Variants in AARS2 observed in about 807,000 individuals in gnomAD.
AARS2 encodes alanyl-tRNA synthetase 2, mitochondrial, also known as alanine--tRNA ligase, mitochondrial.
Under a neutral mutation model 119.7 loss-of-function variants are expected in AARS2, and 78 were observed. The ratio of observed to expected loss-of-function variants is 0.65; its 90% CI spans 0.54 to 0.79. The LOEUF (loss-of-function observed/expected upper bound fraction) is 0.79, where lower values mean the gene tolerates loss of function less well. AARS2 is among the 30% of genes least tolerant of loss of function. The pLI is 0.00. For missense variants in AARS2, 1,157 were observed against 1,291.3 expected (o/e 0.90, Z 1.59); for synonymous variants, 502 against 526.3 (o/e 0.95, Z 0.63).
In AARS2 at chr6:44,305,351, C is replaced by T. The variant is rs1307141012; in HGVS notation, c.1435-153G>A. On this transcript the variant is annotated intron_variant, in intron 10 of 21. Transcript: ENST00000244571. This position sits in a 1 kb window ranked among gnomAD's most constrained non-coding sequence, Gnocchi z 4.6. ...TCAGGGCTTGGCTGGCTGCTAGAGC[C>T]CCTGAGCTGGTTGAACCATCCATCA... is the stretch of plus-strand genomic sequence containing the variant. 6.6e-6 allele frequency among the ~76,000 whole-genome samples: 1 copy of T among 152,176 alleles called. No individual in the cohort carries two copies. The highest frequency in any genetic ancestry group is 1.5e-5 in the Non-Finnish European group (1 of 68,018).
intron 4 of AARS2, 116 bp downstream of exon 4, chr6:44,310,876 GAC>G (rs757937374): frequency 3.0e-5 from 40 of 1,332,702 alleles, no homozygotes; most frequent in Non-Finnish European, 4.3e-5. Flanking sequence ...AATTGTGCCT[GAC>G]ACACGGTAAG....
At position 44,303,435 on chromosome 6, in the gene AARS2, G is replaced by A; in HGVS notation, c.2008-12C>T. Reference sequence around the variant, plus strand: ...GGGGTCAATGGGGTCTGGAGGGGTGGGGAGGAAATGGAAAGACCAACATGC... The same window carrying A: ...GGGGTCAATGGGGTCTGGAGGGGTGAGGAGGAAATGGAAAGACCAACATGC... On this transcript the variant is annotated splice_polypyrimidine_tract_variant and intron_variant, in intron 14 of 21. Coordinates refer to ENST00000244571, the MANE Select transcript of AARS2 (RefSeq NM_020745.4). 8.1e-6 allele frequency: 13 copies of A among 1,613,882 alleles called. No individual in the cohort carries two copies. Among genetic ancestry groups the A allele is most frequent in the South Asian group, 3.3e-5 (3 of 91,084 alleles).
Position 44,306,274 on chromosome 6 carries a change from G to A in AARS2, c.1300+6C>T. 1 of 1,613,722 alleles carries A rather than the reference G, an allele frequency of 6.2e-7. No homozygotes were observed. The highest frequency in any genetic ancestry group is 8.5e-7 in the Non-Finnish European group (1 of 1,179,632). On this transcript the variant is annotated splice_donor_region_variant and intron_variant, in intron 9 of 21. Transcript: ENST00000244571. Reference sequence around the variant, plus strand: ...CCCTTGTGCATGGGCTAGGTATCCTGCTTACCAGGGAACATATCTGAAGGC... The same window carrying A: ...CCCTTGTGCATGGGCTAGGTATCCTACTTACCAGGGAACATATCTGAAGGC...
Position 44,310,250 on chromosome 6 carries a change from G to A in AARS2, c.894+49C>T, listed in dbSNP as rs763471062. On this transcript the variant is annotated intron_variant, in intron 5 of 21. Transcript: ENST00000244571. ...AAAGATGGAATGCAATGGGGCTGAG[G>A]GCTGTGAAGAGCAGGTTAGAGGGCT... is the stretch of plus-strand genomic sequence containing the variant. 10 of 1,552,112 alleles carry A rather than the reference G, an allele frequency of 6.4e-6. No homozygotes were observed. The African/African-American group carries it at 1.1e-4, about 17-fold the overall frequency.
chr6:44,303,500 T>C (rs1785545773), intron 14 of AARS2, 77 bp from the exon 15 acceptor site: 1 of 1,605,542 alleles, frequency 6.2e-7, no homozygotes. Context: ...TGAAACACGG[T>C]CAATGTTCAC....
At position 44,305,753 on chromosome 6, in the gene AARS2, T is replaced by C. The variant is rs1356567404; in HGVS notation, c.1334A>G (p.Asp445Gly). The C allele has an allele frequency of 1.2e-6, 2 of 1,613,878 alleles. No individual in the cohort carries two copies. The highest frequency in any genetic ancestry group is 2.2e-5 in the South Asian group (2 of 91,062). ...EVAWSLSLCG[D>G]LGLPLDMVEL... is the part of the protein sequence containing the mutation. ...TACCATGTCCAAGGGGAGTCCCAGG[T>C]CTCCACACAGTGACAAGGACCAGGC... The change falls in exon 10 of 22, where the codon GAC becomes GGC. Residue 445 changes from aspartate to glycine, a missense_variant. Asp to Gly is a moderately conservative substitution (Grantham distance 94). Coordinates refer to ENST00000244571, the MANE Select transcript of AARS2 (RefSeq NM_020745.4). This position sits in a 1 kb window ranked among gnomAD's most constrained non-coding sequence, Gnocchi z 4.6.
rs751367061 is a variant in AARS2 at position 44,300,714 on chromosome 6, A to G, written c.2794-3T>C. 6 of 1,612,044 alleles carry G rather than the reference A, an allele frequency of 3.7e-6. No homozygotes were observed. In the African/African-American group the frequency reaches 8.0e-5, roughly 22 times the overall value. On this transcript the variant is annotated splice_polypyrimidine_tract_variant and splice_region_variant and intron_variant, in intron 21 of 21. Transcript: ENST00000244571. ...GCTGTGAAGGTGGGCATGGCACCCT[A>G]GGAACAGAATCAGAAGAGGAAGCGA...
Position 44,307,498 on chromosome 6 carries a change from T to A in AARS2, c.895-104A>T. ...GCCCTCAGCCCTAAAGCCAACCACA[T>A]CCAGAATGGCCTTGCCAGTCCAGTC... On this transcript the variant is annotated intron_variant, in intron 5 of 21. Coordinates refer to ENST00000244571, the MANE Select transcript of AARS2 (RefSeq NM_020745.4). This position sits in a 1 kb window ranked among gnomAD's most constrained non-coding sequence, Gnocchi z 4.4. 1 of 1,453,036 alleles carries A rather than the reference T, an allele frequency of 6.9e-7. No individual in the cohort carries two copies. The highest frequency in any genetic ancestry group is 2.0e-4 in the Middle Eastern group (1 of 5,084). The allele number at this position is 1,453,036 out of a possible 1,614,324, so 90.0% of individuals were successfully genotyped here.
In AARS2 at chr6:44,307,960, G is replaced by A. The variant is rs566846035; in HGVS notation, c.895-566C>T. Among the ~76,000 whole-genome samples, 4 of 152,172 alleles carry A rather than the reference G, an allele frequency of 2.6e-5. No homozygotes were observed. The highest frequency in any genetic ancestry group is 9.7e-5 in the African/African-American group (4 of 41,446). ...ACCTCTCTCTTCCCCAAGCTTCTTC[G>A]TCTAACAGTCATGCCATTCACTGTG... On this transcript the variant is annotated intron_variant, in intron 5 of 21. Coordinates refer to ENST00000244571, the MANE Select transcript of AARS2 (RefSeq NM_020745.4). This position sits in a 1 kb window ranked among gnomAD's most constrained non-coding sequence, Gnocchi z 4.4.
chr6:44,302,291 C>T, intron 18 of AARS2, 100 bp downstream of exon 18: 1 of 1,611,456 alleles, frequency 6.2e-7, no homozygotes, highest in Non-Finnish European at 8.5e-7. Flanking sequence ...AGCTGGAGCC[C>T]AACCCAATTG....
chr6:44,304,120 G>T, intron 14 of AARS2, 61 bp downstream of exon 14: 1 of 1,609,026 alleles, frequency 6.2e-7, no homozygotes, highest in Non-Finnish European at 8.5e-7. Context: ...GCTCACAGCA[G>T]GCTGTCTCTC....
At position 44,300,234 on chromosome 6, in the gene AARS2, C is replaced by G; in HGVS notation, c.*313G>C. The G allele has an allele frequency of 4.8e-6, 2 of 415,738 alleles. No homozygotes were observed. The highest frequency in any genetic ancestry group is 9.0e-6 in the Non-Finnish European group (2 of 221,970). 25.8% of individuals were successfully genotyped at this position (415,738 alleles called of 1,614,324 possible). ...GACCTCATGATCTACCTGCCTCGGC[C>G]TCCCAAAGTGCTTGGATTACAGGTG... On this transcript the variant is annotated 3_prime_UTR_variant, in exon 22 of 22. Transcript: ENST00000244571.
chr6:44,302,035 T>C (rs1785400701), intron 19 of AARS2, 25 bp downstream of exon 19: 8 of 1,611,102 alleles, frequency 5.0e-6, no homozygotes, highest in Non-Finnish European at 6.8e-6. Flanking sequence ...TCTGGGCACA[T>C]GGGTGCAGCC....
chr6:44,300,906 TCTG>T, intron 21 of AARS2, 195 bp from the exon 22 acceptor site: 1 of 756,520 alleles, frequency 1.3e-6, no homozygotes, highest in Non-Finnish European at 2.2e-6. Context: ...AACGTGAACA[TCTG>T]CTACTTGTTT....
chr6:44,306,917 C>T lies in AARS2; in HGVS notation c.1149+6G>A, dbSNP rs1460745102. 1.2e-6 allele frequency: 2 copies of T among 1,613,256 alleles called. No homozygotes were observed. Among genetic ancestry groups the T allele is most frequent in the Non-Finnish European group, 1.7e-6 (2 of 1,179,268 alleles). Reference sequence around the variant, plus strand: ...GCCCAGAGTGAAAAAGAAGCTCTGTCCTTACCAGTGTCTCCACCACTACAG... The same window carrying T: ...GCCCAGAGTGAAAAAGAAGCTCTGTTCTTACCAGTGTCTCCACCACTACAG... On this transcript the variant is annotated splice_donor_region_variant and intron_variant, in intron 7 of 21. Coordinates refer to ENST00000244571, the MANE Select transcript of AARS2 (RefSeq NM_020745.4).
At position 44,307,582 on chromosome 6, in the gene AARS2, A is replaced by G; in HGVS notation, c.895-188T>C. ...CAGGCCCTGCCCTCACGGGGCTCATATTTGGTGCTACAAGTGAACATATCT... is the reference window on the plus strand; with the variant it reads ...CAGGCCCTGCCCTCACGGGGCTCATGTTTGGTGCTACAAGTGAACATATCT... On this transcript the variant is annotated intron_variant, in intron 5 of 21. Transcript: ENST00000244571. This position sits in a 1 kb window ranked among gnomAD's most constrained non-coding sequence, Gnocchi z 4.4. 1 of 684,956 alleles carries G rather than the reference A, an allele frequency of 1.5e-6. No individual in the cohort carries two copies. The highest frequency in any genetic ancestry group is 2.5e-6 in the Non-Finnish European group (1 of 407,042). 42.4% of individuals were successfully genotyped at this position (684,956 alleles called of 1,614,324 possible).
rs756523315 is a variant in AARS2, at chr6:44,304,692, CCT to C, written c.1703_1704del (p.Gln568ArgfsTer35). On this transcript the variant is annotated frameshift_variant, in exon 12 of 22. Transcript: ENST00000244571. LOFTEE classifies it high-confidence loss of function. Reference sequence around the variant, plus strand: ...TAGCCACGGTCTGAAGCCTGGCCCCCCTGTTCTGCGTAGAAGTTGGTCCTGTC... The same window carrying C: ...TAGCCACGGTCTGAAGCCTGGCCCCCGTTCTGCGTAGAAGTTGGTCCTGTC... ...LLDRTNFYAE[Q>X]GGQASDRGYL... 12 of 1,614,126 alleles carry C rather than the reference CCT, an allele frequency of 7.4e-6. No homozygotes were observed. Among genetic ancestry groups the C allele is most frequent in the Non-Finnish European group, 9.3e-6 (11 of 1,180,050 alleles).
chr6:44,300,473 G>A lies in AARS2; in HGVS notation c.*74C>T. 1.3e-5 allele frequency: 21 copies of A among 1,596,666 alleles called. No individual in the cohort carries two copies. Among genetic ancestry groups the A allele is most frequent in the Non-Finnish European group, 1.8e-5 (21 of 1,165,680 alleles). ...GCCTCTAGTCCTCGCTTCAGCATGT[G>A]GGAAGGTTCTGCTGGCTCCTTCAGG... On this transcript the variant is annotated 3_prime_UTR_variant, in exon 22 of 22. Transcript: ENST00000244571.
rs200928541 is a variant in AARS2 at position 44,302,119 on chromosome 6, T to C, written c.2539A>G (p.Thr847Ala). Residue 847 changes from threonine to alanine, a missense_variant, in exon 19 of 22, where the codon ACA becomes GCA. Thr to Ala is a moderately conservative substitution (Grantham distance 58). Coordinates refer to ENST00000244571, the MANE Select transcript of AARS2 (RefSeq NM_020745.4). Reference protein sequence around the residue: ...PQWQRRELLATVKMLQRRANT... With the variant: ...PQWQRRELLAAVKMLQRRANT... ...GCACGCCGCTGCAGCATCTTCACTG[T>C]GGCCAGCAGCTCCCGCCGCTGCCAC... 1.5e-5 allele frequency: 24 copies of C among 1,613,654 alleles called. No homozygotes were observed. The highest frequency in any genetic ancestry group is 6.7e-5 in the East Asian group (3 of 44,872).
Sources: allele counts gnomAD v4.1 joint callset (sites outside exome capture counted in the v4.1 genomes callset), GRCh38; gene constraint gnomAD v4.1.1; non-coding constraint Gnocchi (gnomAD v3.1); transcripts MANE v1.5; gene names NCBI Gene and HGNC (gene_info 2026-07-23, HGNC 2026-07-21).